The following TVP23A variants were observed in gnomAD, a reference collection of about 807,000 sequenced individuals.
TVP23A encodes Golgi apparatus membrane protein TVP23 homolog A.
TVP23A carries 21 observed loss-of-function variants against 31.7 expected under a neutral mutation model. The observed-to-expected ratio is 0.66, with a 90% CI of 0.47 to 0.95. TVP23A has a LOEUF of 0.95. Ranked by LOEUF, TVP23A falls within the 40% of genes least tolerant of loss-of-function variation. TVP23A has a pLI of 0.00. For missense variants in TVP23A, 279 were observed against 255.6 expected, an observed-to-expected ratio of 1.09 and a Z score of -0.62; for synonymous variants, 104 against 96.0, an observed-to-expected ratio of 1.08 and a Z score of -0.49.
In TVP23A at chr16:10,768,296, A is replaced by T. The variant is rs2031197080; in HGVS notation, c.*806T>A. The T allele has an allele frequency of 4.0e-6, 1 of 251,128 alleles. No homozygotes were observed. Among genetic ancestry groups the T allele is most frequent in the Non-Finnish European group, 7.3e-6 (1 of 136,098 alleles). 15.6% of individuals were successfully genotyped at this position (251,128 alleles called of 1,614,324 possible). On this transcript the variant is annotated 3_prime_UTR_variant, in exon 8 of 8. Coordinates refer to ENST00000299866, the MANE Select transcript of TVP23A (RefSeq NM_001079512.4). The surrounding 1 kb of genome is among the most constrained non-coding windows in gnomAD (Gnocchi z 4.3). ...TAAAGGGATAAAGTAATTCATTTTT[A>T]AAAGTAACTGATAAAAAAAAAAAAG...
chr16:10,767,949 G>GTT lies in TVP23A; in HGVS notation c.*1152_*1153insAA, dbSNP rs780064255. 6.2e-7 allele frequency: 1 copy of GTT among 1,614,044 alleles called. No homozygotes were observed. The highest frequency in any genetic ancestry group is 8.5e-7 in the Non-Finnish European group (1 of 1,179,952). On this transcript the variant is annotated 3_prime_UTR_variant, in exon 8 of 8. Transcript: ENST00000299866. The surrounding 1 kb of genome is among the most constrained non-coding windows in gnomAD (Gnocchi z 4.6). ...GTCTTCCGTTTGTTTCTTTTTTAAG[G>GTT]TAAGAATTGTGACAAAGGCCAGTCT...
intron 2 of TVP23A, among the ~76,000 whole-genome samples, chr16:10,790,893 T>G (rs2033066489): frequency 6.6e-6 from 1 of 152,208 alleles, no homozygotes; most frequent in South Asian, 2.1e-4. Flanking sequence ...TGTGTTAATG[T>G]TAATGCTGGT....
At position 10,779,876 on chromosome 16, in the gene TVP23A, C is replaced by T. The variant is rs1052659089; in HGVS notation, c.90-4780G>A. Among the ~76,000 whole-genome samples, 1 of 152,174 alleles carries T rather than the reference C, an allele frequency of 6.6e-6. No homozygotes were observed. Among genetic ancestry groups the T allele is most frequent in the African/African-American group, 2.4e-5 (1 of 41,436 alleles). ...AGCTGAGGCAGGCAGATCACTTGAG[C>T]TCAGGAGTTCGAGACCAGCCTGGCC... On this transcript the variant is annotated intron_variant, in intron 2 of 7. Transcript: ENST00000299866. The surrounding 1 kb of genome is among the most constrained non-coding windows in gnomAD (Gnocchi z 4.9).
chr16:10,786,991 C>A (rs2032799196), intron 2 of TVP23A, among the ~76,000 whole-genome samples: 2 of 151,958 alleles, frequency 1.3e-5, no homozygotes, highest in Non-Finnish European at 2.9e-5. Context: ...ACTGTTACAG[C>A]TGGATACATG....
At position 10,773,550 on chromosome 16, in the gene TVP23A, T is replaced by C. The variant is rs564574467; in HGVS notation, c.325-109A>G. 1,561 of 1,341,274 alleles carry C rather than the reference T, an allele frequency of 1.2e-3. 21 individuals carry two copies. The highest frequency in any genetic ancestry group is 1.3e-4 in the Non-Finnish European group (132 of 993,824). The allele number at this position is 1,341,274 out of a possible 1,614,324, so 83.1% of individuals were successfully genotyped here. A position where few individuals can be genotyped will look rare whatever the true frequency, so the allele number is the denominator to read the frequency against. On this transcript the variant is annotated intron_variant, in intron 4 of 7. Coordinates refer to ENST00000299866, the MANE Select transcript of TVP23A (RefSeq NM_001079512.4). The stretch of plus-strand genomic sequence containing the variant: ...TGCAGATGCTTTTGTTGCTGTGGGA[T>C]TTTTTGTTGTTGGTGTTGTTTTGTT...
chr16:10,784,433 C>T (rs147429205), intron 2 of TVP23A, among the ~76,000 whole-genome samples: 4 of 150,914 alleles, frequency 2.7e-5, no homozygotes, highest in East Asian at 1.9e-4. Context: ...TGGTGGCACA[C>T]GCCTACAGTC....
At chr16:10,789,696 G>A (rs888715010) in intron 2 of TVP23A, among the ~76,000 whole-genome samples, 41 of 148,782 alleles carry the variant, frequency 2.8e-4, no homozygotes, top group Admixed American at 1.0e-3. Flanking sequence ...AAAGCCAGGC[G>A]TGGTGGCAGG....
In TVP23A at chr16:10,779,022, A is replaced by G. The variant is rs1461037314; in HGVS notation, c.90-3926T>C. On this transcript the variant is annotated intron_variant, in intron 2 of 7. Transcript: ENST00000299866. This position sits in a 1 kb window ranked among gnomAD's most constrained non-coding sequence, Gnocchi z 4.9. ...AGCCAAGTGTGCGCTGACCCATGGT[A>G]AAATGTGGAAGTAAATGCATTCGAA... Among the ~76,000 whole-genome samples the G allele has an allele frequency of 1.3e-5, 2 of 152,224 alleles. No homozygotes were observed. The highest frequency in any genetic ancestry group is 6.5e-5 in the Admixed American group (1 of 15,274).
intron 2 of TVP23A, among the ~76,000 whole-genome samples, chr16:10,794,027 A>T (rs193026004): frequency 6.6e-6 from 1 of 150,930 alleles, no homozygotes; most frequent in Non-Finnish European, 1.5e-5. Flanking sequence ...TCCCAAGGTG[A>T]TGCATTGAAT....
chr16:10,780,161 A>G (rs894941505), intron 2 of TVP23A, among the ~76,000 whole-genome samples: 11 of 152,236 alleles, frequency 7.2e-5, no homozygotes, highest in Non-Finnish European at 1.0e-4. Flanking sequence ...CTTTTAATCT[A>G]TAACTAATAT....
chr16:10,789,798 T>C (rs1296060074), intron 2 of TVP23A, among the ~76,000 whole-genome samples: 4 of 143,358 alleles, frequency 2.8e-5, no homozygotes, highest in Non-Finnish European at 4.5e-5. Context: ...GCCACTGCAC[T>C]CCAGCCTGGA....
chr16:10,795,093 G>C (rs1237588692), intron 2 of TVP23A, among the ~76,000 whole-genome samples: 1 of 152,098 alleles, frequency 6.6e-6, no homozygotes, highest in Non-Finnish European at 1.5e-5. Flanking sequence ...GCTGCCAGAC[G>C]CCATGAGAGT....
downstream of TVP23A, among the ~76,000 whole-genome samples, chr16:10,758,688 G>T (rs1900739999): frequency 6.6e-6 from 1 of 152,148 alleles, no homozygotes; most frequent in Non-Finnish European, 1.5e-5. Flanking sequence ...CATGTGTCAG[G>T]TCCCCCAGCC....
chr16:10,787,236 CA>C (rs2032815973), intron 2 of TVP23A, among the ~76,000 whole-genome samples: 1 of 152,114 alleles, frequency 6.6e-6, no homozygotes, highest in Non-Finnish European at 1.5e-5. Context: ...ATTATTTAGG[CA>C]GATAGTGAGG....
chr16:10,815,322 G>A (rs922482918), intron 2 of TVP23A, among the ~76,000 whole-genome samples: 1 of 152,212 alleles, frequency 6.6e-6, no homozygotes, highest in African/African-American at 2.4e-5. Context: ...TGAGGCGGGA[G>A]AACTGCTTGA....
rs1019244445 is a variant in TVP23A, at chr16:10,818,456, C to T, written c.9+29G>A. The stretch of plus-strand genomic sequence containing the variant: ...GCAGGCTCCCCTCGTCCCGCCCCGC[C>T]TCCAGCCCCAGCATCCCCGAGGCCC... On this transcript the variant is annotated intron_variant, in intron 1 of 7. Coordinates refer to ENST00000299866, the MANE Select transcript of TVP23A (RefSeq NM_001079512.4). This position sits in a 1 kb window ranked among gnomAD's most constrained non-coding sequence, Gnocchi z 4.7. The T allele has an allele frequency of 5.0e-6, 8 of 1,602,702 alleles. No individual in the cohort carries two copies. The highest frequency in any genetic ancestry group is 6.8e-6 in the Non-Finnish European group (8 of 1,177,992).
At chr16:10,802,807 G>A (rs1291724047) in intron 2 of TVP23A, among the ~76,000 whole-genome samples, 1 of 152,132 alleles carries the variant, frequency 6.6e-6, no homozygotes, top group South Asian at 2.1e-4. Flanking sequence ...TCTGTAAATA[G>A]TAAGTTTTGT....
At chr16:10,773,578 GT>G in intron 4 of TVP23A, 137 bp from the exon 5 acceptor site, 2 of 1,181,390 alleles carry the variant, frequency 1.7e-6, no homozygotes, top group South Asian at 3.3e-5. Flanking sequence ...GTTTTGTTTT[GT>G]TTTGTTTTTG....
Position 10,766,905 on chromosome 16 carries a change from T to C in TVP23A, c.*2197A>G. ...TTTCCTGTTATGGCTCAAGTGCGAATTGGCCTTATGTTCCCTGCCTCTGGA... is the reference window on the plus strand; with the variant it reads ...TTTCCTGTTATGGCTCAAGTGCGAACTGGCCTTATGTTCCCTGCCTCTGGA... On this transcript the variant is annotated 3_prime_UTR_variant, in exon 8 of 8. Transcript: ENST00000299866. The surrounding 1 kb of genome is among the most constrained non-coding windows in gnomAD (Gnocchi z 4.8). 2 of 398,616 alleles carry C rather than the reference T, an allele frequency of 5.0e-6. No homozygotes were observed. Among genetic ancestry groups the C allele is most frequent in the Non-Finnish European group, 8.8e-6 (2 of 226,082 alleles). 24.7% of individuals were successfully genotyped at this position (398,616 alleles called of 1,614,324 possible). A position where few individuals can be genotyped will look rare whatever the true frequency, so the allele number is the denominator to read the frequency against.
Sources: allele counts gnomAD v4.1 joint callset (sites outside exome capture counted in the v4.1 genomes callset), GRCh38; gene constraint gnomAD v4.1.1; non-coding constraint Gnocchi (gnomAD v3.1); transcripts MANE v1.5; gene names NCBI Gene and HGNC (gene_info 2026-07-23, HGNC 2026-07-21).